NXPE4: variants seen among roughly 807,000 people sequenced by gnomAD.
NXPE4 encodes the protein NXPE family member 4.
In NXPE4, 42 loss-of-function variants were observed where a neutral mutation model predicts 33.3. The observed-to-expected ratio is 1.26, with a 90% CI of 0.98 to 1.63. The LOEUF (loss-of-function observed/expected upper bound fraction) is 1.63. NXPE4 is among the 40% of genes most tolerant of loss of function. NXPE4 has a pLI of 0.00. For synonymous variants in NXPE4, 253 were observed against 234.9 expected (o/e 1.08, Z -0.71); for missense variants, 709 against 647.6 (o/e 1.09, Z -1.03).
At chr11:114,603,986 G>A in the NXPE4 span, among the ~76,000 whole-genome samples, 1 of 151,544 alleles carries the variant, frequency 6.6e-6, no homozygotes, top group Non-Finnish European at 1.5e-5. Context: ...TGGATAATAA[G>A]TATTGCCTCG....
rs572641123 is a variant in NXPE4, at chr11:114,582,549, G to A, written c.569C>T (p.Ala190Val). The A allele has an allele frequency of 3.7e-6, 6 of 1,614,052 alleles. No individual in the cohort carries two copies. The South Asian group carries it at 5.5e-5, about 15-fold the overall frequency. The change falls in exon 3 of 6, where the codon GCT becomes GTT. Residue 190 changes from alanine (A) to valine (V), a missense_variant. Physicochemically the swap from Ala to Val is moderately conservative, Grantham distance 64 (BLOSUM62 0). Coordinates refer to ENST00000375478, the MANE Select transcript of NXPE4 (RefSeq NM_001077639.2). ...GCCTTGGTTCCTTGCACTCCAGAGAGCTGACACCCCTTCACTGGGGTGGAT... is the reference window on the plus strand; with the variant it reads ...GCCTTGGTTCCTTGCACTCCAGAGAACTGACACCCCTTCACTGGGGTGGAT... ...LLIHPSEGVS[A>V]LWSARNQGYD... is the part of the protein sequence containing the mutation.
the NXPE4 span, among the ~76,000 whole-genome samples, chr11:114,673,601 A>G: frequency 2.0e-5 from 3 of 151,780 alleles, no homozygotes; most frequent in Admixed American, 2.0e-4. Context: ...TAAAAGAGAA[A>G]ACTCAAATTA....
the NXPE4 span, among the ~76,000 whole-genome samples, chr11:114,639,810 T>TAATATAAAATATAATATATATTATGTTA: frequency 0.033 from 2,543 of 77,938 alleles, 186 homozygotes; most frequent in African/African-American, 0.11. Flanking sequence ...AAATATAAAA[T>TAATATAAAATATAATATATATTATGTTA]AATATAAAAT....
intron 2 of NXPE4, among the ~76,000 whole-genome samples, chr11:114,587,860 G>A (rs1445558536): frequency 6.6e-6 from 1 of 152,160 alleles, no homozygotes; most frequent in Non-Finnish European, 1.5e-5. Context: ...AGAAAAAGTG[G>A]CTCATTTTCT....
intron 5 of NXPE4, among the ~76,000 whole-genome samples, chr11:114,578,372 G>T (rs1949062406): frequency 6.6e-6 from 1 of 152,170 alleles, no homozygotes; most frequent in African/African-American, 2.4e-5. Flanking sequence ...GAGTCGAAGA[G>T]GGTAGGTAAC....
rs749798649 is a variant in NXPE4, at chr11:114,571,183, T to G, written c.1390A>C (p.Arg464=). ...VHKAIQHLLL[R]SPDTMVIIKT... ...ATGATAACCATAGTGTCTGGGCTTCTCAGAAGAAGATGCTGAATGGCTTTG... is the reference window on the plus strand; with the variant it reads ...ATGATAACCATAGTGTCTGGGCTTCGCAGAAGAAGATGCTGAATGGCTTTG... Residue 464 remains arginine (R), a synonymous_variant, in exon 6 of 6, where the codon AGA becomes CGA. Transcript: ENST00000375478. The G allele has an allele frequency of 6.8e-6, 11 of 1,614,004 alleles. No individual in the cohort carries two copies. The South Asian group carries it at 1.2e-4, about 18-fold the overall frequency.
the NXPE4 span, among the ~76,000 whole-genome samples, chr11:114,649,319 A>G: frequency 1.3e-5 from 2 of 152,240 alleles, no homozygotes; most frequent in Non-Finnish European, 2.9e-5. Context: ...GTAGCAAAAA[A>G]TTAGAGAAAA....
chr11:114,604,444 GA>G, the NXPE4 span, among the ~76,000 whole-genome samples: 1 of 152,024 alleles, frequency 6.6e-6, no homozygotes, highest in African/African-American at 2.4e-5. Flanking sequence ...TTACCCGGTG[GA>G]CACTAAGTAT....
At chr11:114,641,709 T>C in the NXPE4 span, among the ~76,000 whole-genome samples, 75 of 152,018 alleles carry the variant, frequency 4.9e-4, 3 homozygotes, top group Admixed American at 4.9e-3. Flanking sequence ...ATCAACAGAA[T>C]AAAACCTAAC....
the NXPE4 span, among the ~76,000 whole-genome samples, chr11:114,625,639 G>T: frequency 6.6e-6 from 1 of 152,124 alleles, no homozygotes; most frequent in African/African-American, 2.4e-5. Context: ...GCTGTTACCC[G>T]GTGGATAATA....
chr11:114,633,338 T>C, the NXPE4 span, among the ~76,000 whole-genome samples: 79 of 142,362 alleles, frequency 5.5e-4, no homozygotes, highest in Non-Finnish European at 9.1e-4. Flanking sequence ...TATTACATTT[T>C]ATTATATGAT....
the NXPE4 span, among the ~76,000 whole-genome samples, chr11:114,608,164 GATA>G: frequency 6.6e-6 from 1 of 151,764 alleles, no homozygotes; most frequent in East Asian, 1.9e-4. Context: ...TTACCCTGTG[GATA>G]ATAAGTATTG....
At chr11:114,670,352 A>C in the NXPE4 span, among the ~76,000 whole-genome samples, 4 of 151,970 alleles carry the variant, frequency 2.6e-5, no homozygotes, top group African/African-American at 9.7e-5. Flanking sequence ...ATCAGAGACT[A>C]TGCACTTCTG....
At chr11:114,572,424 G>T (rs1948912058) in intron 5 of NXPE4, among the ~76,000 whole-genome samples, 1 of 152,114 alleles carries the variant, frequency 6.6e-6, no homozygotes, top group Non-Finnish European at 1.5e-5. Context: ...GCTAATCAAG[G>T]AGGCACCAGA....
the NXPE4 span, among the ~76,000 whole-genome samples, chr11:114,635,920 A>G: frequency 6.6e-6 from 1 of 151,976 alleles, no homozygotes; most frequent in Non-Finnish European, 1.5e-5. Flanking sequence ...ATTGGTCTAA[A>G]ATTCTCTTTT....
At chr11:114,606,090 C>T in the NXPE4 span, among the ~76,000 whole-genome samples, 2 of 151,748 alleles carry the variant, frequency 1.3e-5, no homozygotes, top group African/African-American at 4.8e-5. Context: ...TAAGTATTAC[C>T]TCATGGGTAG....
At chr11:114,606,718 C>T in the NXPE4 span, among the ~76,000 whole-genome samples, 2 of 151,932 alleles carry the variant, frequency 1.3e-5, no homozygotes, top group African/African-American at 4.8e-5. Flanking sequence ...AGGACTGTCT[C>T]ATGGGTAACC....
the NXPE4 span, among the ~76,000 whole-genome samples, chr11:114,631,010 A>G: frequency 6.6e-6 from 1 of 151,334 alleles, no homozygotes; most frequent in Non-Finnish European, 1.5e-5. Context: ...CAATCATTAA[A>G]AAGTCAGGAA....
intron 5 of NXPE4, among the ~76,000 whole-genome samples, chr11:114,573,447 C>T (rs1948934280): frequency 7.1e-6 from 1 of 140,876 alleles, no homozygotes. Flanking sequence ...AGCCAAGTTT[C>T]TGCTGTCTTC....
Sources: gnomAD v4.1 joint callset for allele counts (sites outside exome capture counted in the v4.1 genomes callset) on GRCh38, gnomAD v4.1.1 for gene constraint, MANE v1.5 for transcripts, NCBI Gene and HGNC (gene_info 2026-07-23, HGNC 2026-07-21) for gene names.